Variants in TRIM49 observed in about 807,000 individuals in gnomAD.
TRIM49 encodes tripartite motif-containing protein 49.
A neutral mutation model predicts 27.4 loss-of-function variants in TRIM49; 5 were observed. The ratio of observed to expected loss-of-function variants is 0.18; its 90% CI spans 0.10 to 0.38. The LOEUF (loss-of-function observed/expected upper bound fraction) is 0.38. Ranked by LOEUF, TRIM49 falls within the 10% of genes least tolerant of loss-of-function variation. The pLI is 1.00. For synonymous variants in TRIM49, 69 were observed against 166.0 expected (o/e 0.42, Z 4.49); for missense variants, 188 against 487.5 (o/e 0.39, Z 5.79).
chr11:89,767,800 A>G, the TRIM49 span, among the ~76,000 whole-genome samples: 6 of 135,360 alleles, frequency 4.4e-5, 1 homozygote, highest in Admixed American at 6.8e-5. Context: ...CTTCACCTGA[A>G]ATGTATTTAA....
the TRIM49 span, among the ~76,000 whole-genome samples, chr11:89,792,524 C>G: frequency 3.3e-5 from 5 of 152,106 alleles, no homozygotes; most frequent in East Asian, 7.7e-4. Context: ...TGTAAAAGAA[C>G]AGAAATTATA....
intron 2 of TRIM49, among the ~76,000 whole-genome samples, chr11:89,805,803 C>T (rs1188728585): frequency 2.0e-5 from 3 of 149,022 alleles, no homozygotes; most frequent in Admixed American, 6.6e-5. Flanking sequence ...CTGTAACCTC[C>T]GCCTCCAGGT....
At chr11:89,777,752 A>G in the TRIM49 span, among the ~76,000 whole-genome samples, 2 of 147,256 alleles carry the variant, frequency 1.4e-5, no homozygotes, top group Admixed American at 6.7e-5. Flanking sequence ...TGTTTCTATC[A>G]CTTTTCACAT....
chr11:89,793,266 G>A (rs1459027247), downstream of TRIM49, among the ~76,000 whole-genome samples: 15 of 151,998 alleles, frequency 9.9e-5, no homozygotes, highest in Non-Finnish European at 8.8e-5. Flanking sequence ...AATAAAGTCC[G>A]GGTCCGGATG....
chr11:89,770,010 G>C, the TRIM49 span, among the ~76,000 whole-genome samples: 1 of 135,782 alleles, frequency 7.4e-6, no homozygotes, highest in Non-Finnish European at 1.5e-5. Flanking sequence ...AGGGAGTTCA[G>C]GGACAAGGAG....
At chr11:89,774,031 C>G in the TRIM49 span, among the ~76,000 whole-genome samples, 1 of 89,760 alleles carries the variant, frequency 1.1e-5, no homozygotes, top group Non-Finnish European at 2.1e-5. Flanking sequence ...GACAGAGTCT[C>G]GCTCTGTCAC....
At chr11:89,771,840 C>T in the TRIM49 span, among the ~76,000 whole-genome samples, 1 of 70,756 alleles carries the variant, frequency 1.4e-5, no homozygotes, top group South Asian at 5.1e-4. Flanking sequence ...ATATAGTTTC[C>T]AGCACCCCCG....
the TRIM49 span, chr11:89,768,813 C>G: frequency 2.0e-6 from 1 of 505,370 alleles, no homozygotes. Context: ...CATTAACATA[C>G]CTTGCCACCA....
chr11:89,769,051 G>C, the TRIM49 span, among the ~76,000 whole-genome samples: 1 of 134,934 alleles, frequency 7.4e-6, no homozygotes, highest in Admixed American at 6.9e-5. Context: ...GTGTGGTGGT[G>C]CATGCTTTTA....
chr11:89,777,685 C>T, the TRIM49 span, among the ~76,000 whole-genome samples: 2 of 150,770 alleles, frequency 1.3e-5, no homozygotes, highest in Non-Finnish European at 2.9e-5. Context: ...TATGTAAAAG[C>T]CAGTTTCTCA....
chr11:89,792,956 G>C (rs1229936664), downstream of TRIM49, among the ~76,000 whole-genome samples: 2 of 152,168 alleles, frequency 1.3e-5, no homozygotes, highest in South Asian at 2.1e-4. Context: ...GAATCCAGGA[G>C]CTGGTTTTTT....
Position 89,804,236 on chromosome 11 carries a change from T to C in TRIM49, c.234A>G (p.Arg78=). Residue 78 remains arginine (R), a synonymous_variant, in exon 3 of 8, where the codon AGA becomes AGG. Coordinates refer to ENST00000329758, the MANE Select transcript of TRIM49 (RefSeq NM_020358.2). ...IHLKKMASLA[R]KVSLWLFLSS... is the part of the protein sequence containing the mutation. ...TCAGGAATAGCCAGAGACTGACTTTTCTGGCAAGAGAAGCCATCTTCTTCA... is the reference window on the plus strand; with the variant it reads ...TCAGGAATAGCCAGAGACTGACTTTCCTGGCAAGAGAAGCCATCTTCTTCA... The C allele has an allele frequency of 6.2e-7, 1 of 1,610,798 alleles. No homozygotes were observed.
intron 6 of TRIM49, among the ~76,000 whole-genome samples, 179 bp downstream of exon 6, chr11:89,800,787 C>A (rs1949729466): frequency 6.7e-6 from 1 of 150,282 alleles, no homozygotes; most frequent in Non-Finnish European, 1.5e-5. Flanking sequence ...TTTTAGTTCA[C>A]TCTTCTTTTA....
At chr11:89,768,865 A>G in the TRIM49 span, 21,506 of 500,900 alleles carry the variant, frequency 0.043, 1,437 homozygotes, top group Non-Finnish European at 0.052. Context: ...AGAGAGAGAG[A>G]GAAAACGACT....
At chr11:89,789,507 A>C in the TRIM49 span, 3 of 143,796 alleles carry the variant, frequency 2.1e-5, no homozygotes, top group African/African-American at 7.9e-5. Flanking sequence ...GCCTGTCCTA[A>C]AGCTCCATTG....
At chr11:89,807,023 T>A (rs1341410110) in intron 2 of TRIM49, 76 bp downstream of exon 2, 1 of 149,696 alleles carries the variant, frequency 6.7e-6, no homozygotes, top group Non-Finnish European at 1.5e-5. Context: ...TTTCAGATAA[T>A]GAGATATTTT....
At chr11:89,767,567 C>T in the TRIM49 span, among the ~76,000 whole-genome samples, 1 of 124,496 alleles carries the variant, frequency 8.0e-6, no homozygotes, top group Non-Finnish European at 1.5e-5. Context: ...AGTGCAGATT[C>T]CTTGCCAGAA....
At chr11:89,775,893 G>A in the TRIM49 span, among the ~76,000 whole-genome samples, 2 of 150,414 alleles carry the variant, frequency 1.3e-5, no homozygotes, top group Non-Finnish European at 2.9e-5. Context: ...TCACAGGTGA[G>A]TTTGGAGGCA....
At chr11:89,790,311 G>A in the TRIM49 span, among the ~76,000 whole-genome samples, 5 of 142,656 alleles carry the variant, frequency 3.5e-5, no homozygotes, top group Non-Finnish European at 6.1e-5. Context: ...GCCTGCCTCT[G>A]TAGACTCCAC....
Sources: allele counts gnomAD v4.1 joint callset (sites outside exome capture counted in the v4.1 genomes callset), GRCh38; gene constraint gnomAD v4.1.1; transcripts MANE v1.5; gene names NCBI Gene and HGNC (gene_info 2026-07-23, HGNC 2026-07-21).